The following TRIO variants were observed in gnomAD, a reference collection of about 807,000 sequenced individuals.
TRIO encodes the protein trio Rho guanine nucleotide exchange factor, also known as triple functional domain protein.
A neutral mutation model predicts 351.9 loss-of-function variants in TRIO; 58 were observed. That is an observed-to-expected ratio of 0.16 (90% CI 0.13 to 0.21). The LOEUF (loss-of-function observed/expected upper bound fraction) is 0.21. Among genes scored for constraint, TRIO ranks in the 10% least tolerant of loss-of-function variants. The pLI, the probability that TRIO is intolerant of heterozygous loss-of-function variation, is 1.00. For synonymous variants in TRIO, 1,758 were observed against 1,595.7 expected (o/e 1.10, Z -2.42); for missense variants, 3,201 against 4,027.8 (o/e 0.79, Z 5.56).
At chr5:14,231,334 TA>T (rs575338894) in intron 1 of TRIO, among the ~76,000 whole-genome samples, 45 of 152,258 alleles carry the variant, frequency 3.0e-4, no homozygotes, top group Admixed American at 1.6e-3. Context: ...GGTTATATTT[TA>T]TGAAGCAGTT....
intron 1 of TRIO, chr5:14,183,862 A>G (rs1789942022): frequency 3.5e-6 from 2 of 578,816 alleles, no homozygotes; most frequent in Non-Finnish European, 6.3e-6. Flanking sequence ...CCAACTGTTA[A>G]CCTTTGGCAG....
At chr5:14,371,289 A>G (rs1745081517) in intron 18 of TRIO, among the ~76,000 whole-genome samples, 1 of 152,216 alleles carries the variant, frequency 6.6e-6, no homozygotes, top group South Asian at 2.1e-4. Flanking sequence ...TGTAATCACA[A>G]GCCTTTTTGG....
At position 14,502,619 on chromosome 5, in the gene TRIO, C is replaced by T. The variant is rs766302952; in HGVS notation, c.8373C>T (p.Asn2791=). 6.2e-6 allele frequency: 10 copies of T among 1,614,094 alleles called. No individual in the cohort carries two copies. The African/African-American group carries it at 1.1e-4, about 17-fold the overall frequency. The change falls in exon 54 of 57, where the codon AAC becomes AAT. Residue 2791 remains asparagine, a synonymous_variant. Transcript: ENST00000344204. Reference sequence around the variant, plus strand: ...GGATCATGGTGACCTGGAAAGACAACTTTGACTCCTTCTACAGTGAAGTGG... The same window carrying T: ...GGATCATGGTGACCTGGAAAGACAATTTTGACTCCTTCTACAGTGAAGTGG... The part of the protein sequence containing the change: ...MDGIMVTWKD[N]FDSFYSEVAE...
chr5:14,382,845 G>A (rs1172688495), intron 21 of TRIO, among the ~76,000 whole-genome samples: 2 of 140,932 alleles, frequency 1.4e-5, no homozygotes, highest in African/African-American at 2.6e-5. Context: ...ATTTAGGGGC[G>A]TGTGTGTGTC....
intron 1 of TRIO, among the ~76,000 whole-genome samples, chr5:14,237,571 G>A (rs370360676): frequency 9.2e-5 from 14 of 152,294 alleles, no homozygotes; most frequent in African/African-American, 2.4e-4. Context: ...TGTGTCGTGC[G>A]CACACCTGCT....
chr5:14,268,629 A>G (rs893683876), intron 1 of TRIO, among the ~76,000 whole-genome samples: 1 of 152,218 alleles, frequency 6.6e-6, no homozygotes, highest in Non-Finnish European at 1.5e-5. Context: ...CTCCCTTCAA[A>G]CAGATAGGGA....
At position 14,408,804 on chromosome 5, in the gene TRIO, T is replaced by G. The variant is rs540835757; in HGVS notation, c.4959+2132T>G. Among the ~76,000 whole-genome samples, 4 of 152,182 alleles carry G rather than the reference T, an allele frequency of 2.6e-5. No individual in the cohort carries two copies. The East Asian group carries it at 7.7e-4, about 29-fold the overall frequency. On this transcript the variant is annotated intron_variant, in intron 33 of 56. Transcript: ENST00000344204. Reference sequence around the variant, plus strand: ...CCGTCAAGCCCCAAATTCCCATTCTTAAGATAAACTCCTAGGGGTCTGCTC... The same window carrying G: ...CCGTCAAGCCCCAAATTCCCATTCTGAAGATAAACTCCTAGGGGTCTGCTC...
chr5:14,270,562 A>T (rs1261767418), intron 1 of TRIO, among the ~76,000 whole-genome samples: 1 of 152,234 alleles, frequency 6.6e-6, no homozygotes, highest in Non-Finnish European at 1.5e-5. Flanking sequence ...TTTTGGGACC[A>T]AGTTGTTATT....
chr5:14,370,646 T>A (rs781441987), intron 18 of TRIO, among the ~76,000 whole-genome samples: 27 of 152,218 alleles, frequency 1.8e-4, no homozygotes, highest in Non-Finnish European at 2.8e-4. Flanking sequence ...TAACTTACTT[T>A]GTGCTCCCAC....
intron 1 of TRIO, among the ~76,000 whole-genome samples, chr5:14,248,425 A>G (rs760681594): frequency 2.6e-5 from 4 of 152,220 alleles, no homozygotes; most frequent in African/African-American, 9.7e-5. Flanking sequence ...TAGATTAGGA[A>G]AGTAAAATAA....
chr5:14,359,321 C>G, intron 12 of TRIO, 36 bp from the exon 13 acceptor site: 2 of 1,591,218 alleles, frequency 1.3e-6, no homozygotes, highest in East Asian at 2.3e-5. Context: ...GTGTGACTTT[C>G]TCATCCAATT....
At chr5:14,244,033 AG>A (rs1343065032) in intron 1 of TRIO, among the ~76,000 whole-genome samples, 1 of 152,196 alleles carries the variant, frequency 6.6e-6, no homozygotes, top group African/African-American at 2.4e-5. Context: ...CTGCTGACCA[AG>A]GGGAGGCAAT....
Position 14,143,655 on chromosome 5 carries a change from C to G in TRIO, c.-71C>G. ...GTGCTCGGCGCCGCCAGGCCCGGCGCGGAGCGGGCGGCACGCGGCGCTAGG... is the reference window on the plus strand; with the variant it reads ...GTGCTCGGCGCCGCCAGGCCCGGCGGGGAGCGGGCGGCACGCGGCGCTAGG... On this transcript the variant is annotated 5_prime_UTR_variant, in exon 1 of 57. Coordinates refer to ENST00000344204, the MANE Select transcript of TRIO (RefSeq NM_007118.4). The G allele has an allele frequency of 5.2e-6, 4 of 774,708 alleles. No homozygotes were observed. Among genetic ancestry groups the G allele is most frequent in the Non-Finnish European group, 6.2e-6 (4 of 641,260 alleles). The allele number at this position is 774,708 out of a possible 1,614,324, so 48.0% of individuals were successfully genotyped here.
chr5:14,326,442 G>A (rs377053910), intron 9 of TRIO, among the ~76,000 whole-genome samples: 3 of 152,234 alleles, frequency 2.0e-5, no homozygotes, highest in African/African-American at 7.2e-5. Context: ...TGGAACAACC[G>A]TGACCTTGGG....
In TRIO at chr5:14,496,904, C is replaced by G; in HGVS notation, c.7906C>G (p.Leu2636Val). The G allele has an allele frequency of 6.2e-7, 1 of 1,614,104 alleles. No individual in the cohort carries two copies. The highest frequency in any genetic ancestry group is 8.5e-7 in the Non-Finnish European group (1 of 1,180,028). ...GAAGTCAACATCTTGGCACACAGCACTCCGTTTAAGGAAAAAATCTGAGAA... is the reference window on the plus strand; with the variant it reads ...GAAGTCAACATCTTGGCACACAGCAGTCCGTTTAAGGAAAAAATCTGAGAA... ...LKKSTSWHTA[L>V]RLRKKSEKKD... Residue 2636 changes from leucine to valine, a missense_variant, in exon 50 of 57, where the codon CTC becomes GTC. Coordinates refer to ENST00000344204, the MANE Select transcript of TRIO (RefSeq NM_007118.4).
intron 34 of TRIO, among the ~76,000 whole-genome samples, chr5:14,423,455 C>G (rs1286492831): frequency 6.6e-6 from 1 of 152,218 alleles, no homozygotes; most frequent in African/African-American, 2.4e-5. Flanking sequence ...TATTTATTGA[C>G]AGTCTTGGTC....
At chr5:14,293,335 A>T (rs1453631589) in intron 6 of TRIO, among the ~76,000 whole-genome samples, 1 of 152,166 alleles carries the variant, frequency 6.6e-6, no homozygotes, top group African/African-American at 2.4e-5. Flanking sequence ...AAAAATGAAA[A>T]CAAGCAAACA....
intron 55 of TRIO, among the ~76,000 whole-genome samples, chr5:14,506,608 T>G (rs1184650528): frequency 6.6e-6 from 1 of 152,070 alleles, no homozygotes; most frequent in Non-Finnish European, 1.5e-5. Flanking sequence ...CAGTGCTGGG[T>G]AAGTGTTTTT....
chr5:14,425,174 C>T (rs764367987), intron 34 of TRIO, among the ~76,000 whole-genome samples: 3 of 152,356 alleles, frequency 2.0e-5, no homozygotes, highest in East Asian at 1.9e-4. Flanking sequence ...ATCTAGAATT[C>T]TTTTTTCCGT....
Sources: allele counts gnomAD v4.1 joint callset (sites outside exome capture counted in the v4.1 genomes callset), GRCh38; gene constraint gnomAD v4.1.1; transcripts MANE v1.5; gene names NCBI Gene and HGNC (gene_info 2026-07-23, HGNC 2026-07-21).